Variants in FHOD3 observed in about 807,000 individuals in gnomAD.
FHOD3 encodes formin homology 2 domain containing 3.
FHOD3 carries 90 observed loss-of-function variants against 173.0 expected under a neutral mutation model. That is an observed-to-expected ratio of 0.52 (90% CI 0.44 to 0.62). FHOD3 has a LOEUF of 0.62. FHOD3 is among the 20% of genes least tolerant of loss of function. The probability of loss-of-function intolerance (pLI) is 0.00; values close to 1 mark genes in which losing one functional copy is unlikely to be tolerated. For missense variants in FHOD3, 1,945 were observed against 2,034.7 expected, an observed-to-expected ratio of 0.96 and a Z score of 0.85; for synonymous variants, 828 against 823.0, an observed-to-expected ratio of 1.01 and a Z score of -0.10.
chr18:36,716,046 C>T (rs571252926), intron 18 of FHOD3, among the ~76,000 whole-genome samples: 2 of 152,266 alleles, frequency 1.3e-5, no homozygotes, highest in African/African-American at 4.8e-5. Context: ...AAGGAAGGAT[C>T]ATGGAAGGCC....
chr18:36,722,331 C>T (rs559138081), intron 19 of FHOD3, among the ~76,000 whole-genome samples: 1 of 152,116 alleles, frequency 6.6e-6, no homozygotes, highest in African/African-American at 2.4e-5. Flanking sequence ...TTGTACCTAA[C>T]CAGGGGCAGC....
chr18:36,394,931 T>C (rs530287682), intron 3 of FHOD3, among the ~76,000 whole-genome samples: 1 of 152,360 alleles, frequency 6.6e-6, no homozygotes, highest in South Asian at 2.1e-4. Flanking sequence ...AGCATACTAA[T>C]ACTTCAAATT....
intron 5 of FHOD3, among the ~76,000 whole-genome samples, chr18:36,545,859 A>G (rs1223997844): frequency 1.3e-5 from 2 of 152,210 alleles, no homozygotes; most frequent in Non-Finnish European, 2.9e-5. Flanking sequence ...AAGAAAATCT[A>G]CTTTGATATA....
intron 5 of FHOD3, among the ~76,000 whole-genome samples, chr18:36,555,577 A>G (rs1440896142): frequency 6.6e-6 from 1 of 152,066 alleles, no homozygotes; most frequent in African/African-American, 2.4e-5. Context: ...AGTCTTTTAT[A>G]TACTTATTTT....
At chr18:36,509,002 G>A (rs919667980) in intron 4 of FHOD3, among the ~76,000 whole-genome samples, 1 of 152,164 alleles carries the variant, frequency 6.6e-6, no homozygotes, top group African/African-American at 2.4e-5. Context: ...ATCACCTCTG[G>A]ATCTACATGC....
intron 25 of FHOD3, 127 bp downstream of exon 25, chr18:36,755,438 T>C: frequency 1.4e-6 from 1 of 709,640 alleles, no homozygotes; most frequent in Non-Finnish European, 2.0e-6. Flanking sequence ...CTATAAAAAA[T>C]TATCTCTTTT....
intron 15 of FHOD3, among the ~76,000 whole-genome samples, chr18:36,686,308 A>T (rs2038613901): frequency 6.6e-6 from 1 of 151,984 alleles, no homozygotes; most frequent in African/African-American, 2.4e-5. Context: ...TCGCAAGGAC[A>T]TGGATGGCAC....
chr18:36,553,910 A>G lies in FHOD3; in HGVS notation c.512-22541A>G, dbSNP rs2057765685. ...AATGCTTATCATCACTGGCCATCAG[A>G]TAAATGCAAATCAAAACCACAACAA... On this transcript the variant is annotated intron_variant, in intron 5 of 28. Transcript: ENST00000590592. 2.0e-5 allele frequency among the ~76,000 whole-genome samples: 3 copies of G among 152,250 alleles called. No homozygotes were observed. The South Asian group carries it at 6.2e-4, about 31-fold the overall frequency.
At chr18:36,524,625 A>T (rs1028605675) in intron 5 of FHOD3, among the ~76,000 whole-genome samples, 1 of 152,138 alleles carries the variant, frequency 6.6e-6, no homozygotes, top group African/African-American at 2.4e-5. Context: ...CCACATTCCC[A>T]ACATGGTCCA....
Position 36,730,789 on chromosome 18 carries a change from C to A in FHOD3, c.3561C>A (p.Asn1187Lys). The change falls in exon 20 of 29, where the codon AAC becomes AAA. Residue 1187 changes from asparagine to lysine, a missense_variant. Transcript: ENST00000590592. ...TGAATTTTGATGAGTATGCCTTAAA[C>A]AAAGAAGGAATCGAGGTGAGGGAAG... ...AILNFDEYAL[N>K]KEGIEKILTM... 1.2e-6 allele frequency: 2 copies of A among 1,613,858 alleles called. No individual in the cohort carries two copies. Among genetic ancestry groups the A allele is most frequent in the Admixed American group, 1.7e-5 (1 of 59,960 alleles).
chr18:36,409,824 G>A (rs996712431), intron 3 of FHOD3, among the ~76,000 whole-genome samples: 3 of 152,164 alleles, frequency 2.0e-5, no homozygotes, highest in Non-Finnish European at 2.9e-5. Flanking sequence ...CCCTGAAGGT[G>A]GCTTTGGGGT....
intron 5 of FHOD3, among the ~76,000 whole-genome samples, chr18:36,526,406 T>C (rs2056515496): frequency 6.6e-6 from 1 of 151,590 alleles, no homozygotes; most frequent in Non-Finnish European, 1.5e-5. Context: ...TCACTCAAGA[T>C]GTTTGCTTTT....
intron 5 of FHOD3, among the ~76,000 whole-genome samples, chr18:36,536,016 T>C (rs1447009830): frequency 1.3e-5 from 2 of 152,228 alleles, no homozygotes; most frequent in Non-Finnish European, 2.9e-5. Context: ...TTACCAATGA[T>C]ATGAATGAAA....
At chr18:36,320,690 G>C (rs546114559) in intron 1 of FHOD3, among the ~76,000 whole-genome samples, 3 of 152,276 alleles carry the variant, frequency 2.0e-5, no homozygotes, top group African/African-American at 7.2e-5. Context: ...TTTAAGACTG[G>C]GTTCCTGGTA....
chr18:36,479,180 G>A (rs1380462426), intron 3 of FHOD3, among the ~76,000 whole-genome samples: 2 of 152,210 alleles, frequency 1.3e-5, no homozygotes, highest in East Asian at 1.9e-4. Flanking sequence ...ATGGGAATGA[G>A]CCACATGCAT....
chr18:36,353,492 C>A (rs1053558203), intron 1 of FHOD3, among the ~76,000 whole-genome samples: 4 of 152,160 alleles, frequency 2.6e-5, no homozygotes, highest in African/African-American at 4.8e-5. Flanking sequence ...TATTTGAAAT[C>A]TCACTTATAG....
chr18:36,595,913 C>T (rs2030276202), intron 7 of FHOD3, among the ~76,000 whole-genome samples: 1 of 152,284 alleles, frequency 6.6e-6, no homozygotes, highest in Admixed American at 6.5e-5. Flanking sequence ...ATGATTATAA[C>T]TGTAATACTA....
intron 3 of FHOD3, among the ~76,000 whole-genome samples, chr18:36,404,311 C>A (rs545733660): frequency 6.6e-6 from 1 of 152,282 alleles, no homozygotes; most frequent in East Asian, 1.9e-4. Flanking sequence ...CAGACCTGGC[C>A]TCTTACTGCT....
At chr18:36,416,685 C>T (rs565729404) in intron 3 of FHOD3, among the ~76,000 whole-genome samples, 110 of 152,234 alleles carry the variant, frequency 7.2e-4, no homozygotes, top group African/African-American at 2.4e-3. Context: ...ACTTTTGCAT[C>T]GCTCTCCCTG....
Sources: allele counts gnomAD v4.1 joint callset (sites outside exome capture counted in the v4.1 genomes callset), GRCh38; gene constraint gnomAD v4.1.1; transcripts MANE v1.5; gene names NCBI Gene and HGNC (gene_info 2026-07-23, HGNC 2026-07-21).